KAZN: variants seen among roughly 807,000 people sequenced by gnomAD.
KAZN encodes the protein kazrin, periplakin interacting protein, also known as kazrin.
KAZN carries 40 observed loss-of-function variants against 87.4 expected under a neutral mutation model. That is an observed-to-expected ratio of 0.46 (90% CI 0.36 to 0.60). The LOEUF (loss-of-function observed/expected upper bound fraction) is 0.60. Among genes scored for constraint, KAZN ranks in the 20% least tolerant of loss-of-function variants. The pLI is 0.00. For missense variants in KAZN, 898 were observed against 1,073.9 expected (o/e 0.84, Z 2.29); for synonymous variants, 466 against 458.3 (o/e 1.02, Z -0.22).
Position 14,057,100 on chromosome 1 carries a change from T to C in KAZN, c.92-123335T>C, listed in dbSNP as rs1199759340. On this transcript the variant is annotated intron_variant, in intron 1 of 16. Coordinates refer to the KAZN transcript ENST00000636203. ...GCTAAAGCTAGTTGCAGAAGGGAAC[T>C]TGCATGTTTAACATTCTTTTTTTTG... Among the ~76,000 whole-genome samples, 12 of 151,768 alleles carry C rather than the reference T, an allele frequency of 7.9e-5. 1 individual carries two copies. The highest frequency in any genetic ancestry group is 1.5e-5 in the Non-Finnish European group (1 of 67,964).
intron 1 of KAZN, among the ~76,000 whole-genome samples, chr1:14,788,524 G>A (rs532522906): frequency 6.6e-6 from 1 of 152,096 alleles, no homozygotes; most frequent in Non-Finnish European, 1.5e-5. Flanking sequence ...GGCTTATAAG[G>A]TTTTCTTTCT....
rs35205129 is a variant in KAZN, at chr1:14,393,842, CAAAA to C, written c.250-205124_250-205121del. Among the ~76,000 whole-genome samples the C allele has an allele frequency of 3.6e-3, 314 of 87,012 alleles. 3 individuals carry two copies. Among genetic ancestry groups the C allele is most frequent in the African/African-American group, 0.015 (298 of 19,706 alleles). The allele number at this position is 87,012 out of a possible 152,430, so 57.1% of individuals were successfully genotyped here. A position where few individuals can be genotyped will look rare whatever the true frequency, so the allele number is the denominator to read the frequency against. On this transcript the variant is annotated intron_variant, in intron 2 of 16. Transcript: ENST00000636203. ...TGAGTGACAGAGCCAGACCCAATCT[CAAAA>C]AAAAAAAAAAAAAAAAGTCATGAAA... is the stretch of plus-strand genomic sequence containing the variant.
At chr1:14,796,091 C>T (rs994327925) in intron 1 of KAZN, among the ~76,000 whole-genome samples, 2 of 152,204 alleles carry the variant, frequency 1.3e-5, no homozygotes, top group African/African-American at 4.8e-5. Context: ...GCCTCTCTTC[C>T]TTCTTGGACT....
chr1:15,101,006 C>T (rs553042123), intron 10 of KAZN, among the ~76,000 whole-genome samples: 18 of 152,244 alleles, frequency 1.2e-4, no homozygotes, highest in African/African-American at 3.6e-4. Context: ...GGTGGAGGGG[C>T]GGGGTCCCCA....
intron 1 of KAZN, among the ~76,000 whole-genome samples, chr1:13,918,294 T>A (rs1428990239): frequency 6.6e-6 from 1 of 152,220 alleles, no homozygotes; most frequent in Non-Finnish European, 1.5e-5. Flanking sequence ...AAGAAGTTGA[T>A]TCTAACCCTT....
intron 2 of KAZN, among the ~76,000 whole-genome samples, chr1:14,535,420 C>G (rs1193886503): frequency 3.3e-5 from 5 of 152,242 alleles, no homozygotes; most frequent in African/African-American, 1.2e-4. Flanking sequence ...GTAATCCCAG[C>G]ACTTTGGGAG....
chr1:13,971,118 A>G (rs186070859), intron 1 of KAZN, among the ~76,000 whole-genome samples: 37 of 152,272 alleles, frequency 2.4e-4, no homozygotes, highest in African/African-American at 5.8e-4. Flanking sequence ...TGTCTACCTT[A>G]GGGTGGCCTT....
chr1:14,308,189 C>T (rs1655055162), intron 2 of KAZN, among the ~76,000 whole-genome samples: 1 of 151,698 alleles, frequency 6.6e-6, no homozygotes, highest in Non-Finnish European at 1.5e-5. Flanking sequence ...GCATCCTGAA[C>T]CAGGGGAAAA....
At chr1:15,022,052 C>G (rs112692845) in intron 2 of KAZN, among the ~76,000 whole-genome samples, 2,394 of 152,272 alleles carry the variant, frequency 0.016, 62 homozygotes, top group African/African-American at 0.054. Context: ...CAATTACCTT[C>G]TACCATGTCT....
chr1:14,519,483 A>G (rs61771925), intron 2 of KAZN, among the ~76,000 whole-genome samples: 43,837 of 152,050 alleles, frequency 0.29, 6,564 homozygotes, highest in Non-Finnish European at 0.32. Flanking sequence ...CCTCGTGGGT[A>G]TCCTCCCTCA....
intron 1 of KAZN, among the ~76,000 whole-genome samples, chr1:13,990,789 A>G (rs1639243870): frequency 6.6e-6 from 1 of 152,214 alleles, no homozygotes; most frequent in African/African-American, 2.4e-5. Context: ...AATGAAATGA[A>G]TGGACAAACG....
chr1:14,472,134 G>C (rs1459134738), intron 2 of KAZN, among the ~76,000 whole-genome samples: 1 of 152,216 alleles, frequency 6.6e-6, no homozygotes, highest in East Asian at 1.9e-4. Flanking sequence ...TCTTTCATAA[G>C]GACACTAATC....
chr1:14,005,084 A>G (rs534972533), intron 1 of KAZN, among the ~76,000 whole-genome samples: 2 of 152,290 alleles, frequency 1.3e-5, no homozygotes, highest in East Asian at 3.9e-4. Flanking sequence ...TAAATTACCC[A>G]GTGTCAGGTA....
rs569533082 is a variant in KAZN at position 14,936,730 on chromosome 1, A to T, written c.227-23954A>T. Reference sequence around the variant, plus strand: ...TACTTTCATGGCACTTATATTCTGGAAGAGGGTTTTTTTCTGCCTAAAACT... The same window carrying T: ...TACTTTCATGGCACTTATATTCTGGTAGAGGGTTTTTTTCTGCCTAAAACT... On this transcript the variant is annotated intron_variant, in intron 1 of 14. Coordinates refer to ENST00000376030, the MANE Select transcript of KAZN (RefSeq NM_201628.3). Among the ~76,000 whole-genome samples, 3 of 152,264 alleles carry T rather than the reference A, an allele frequency of 2.0e-5. No individual in the cohort carries two copies. In the East Asian group the frequency reaches 5.8e-4, roughly 29 times the overall value.
intron 1 of KAZN, among the ~76,000 whole-genome samples, chr1:13,950,212 G>A (rs1320755242): frequency 1.3e-5 from 2 of 151,986 alleles, no homozygotes; most frequent in South Asian, 2.1e-4. Flanking sequence ...CTCTGTCCCC[G>A]CCTCCTCCGA....
intron 2 of KAZN, among the ~76,000 whole-genome samples, chr1:14,199,853 C>T (rs943953381): frequency 6.6e-6 from 1 of 152,076 alleles, no homozygotes; most frequent in African/African-American, 2.4e-5. Context: ...AGCTGAGACC[C>T]ACAGGGATCT....
At chr1:14,680,144 TA>T (rs1404326433) in intron 1 of KAZN, among the ~76,000 whole-genome samples, 1 of 152,172 alleles carries the variant, frequency 6.6e-6, no homozygotes, top group African/African-American at 2.4e-5. Flanking sequence ...ATTATCTTTT[TA>T]AAAAAATTAC....
chr1:14,468,371 C>G (rs139573853), intron 2 of KAZN, among the ~76,000 whole-genome samples: 49 of 152,132 alleles, frequency 3.2e-4, no homozygotes, highest in African/African-American at 1.1e-3. Context: ...CTTTATATAC[C>G]CGGTCTTACT....
chr1:15,063,501 C>T, intron 6 of KAZN, 71 bp from the exon 7 acceptor site: 1 of 1,347,882 alleles, frequency 7.4e-7, no homozygotes, highest in Non-Finnish European at 1.1e-6. Context: ...CCCCACACCG[C>T]ACGGGCCGCC....
Sources: gnomAD v4.1 joint callset for allele counts (sites outside exome capture counted in the v4.1 genomes callset) on GRCh38, gnomAD v4.1.1 for gene constraint, MANE v1.5 for transcripts, NCBI Gene and HGNC (gene_info 2026-07-23, HGNC 2026-07-21) for gene names.